Variants in NRCAM observed in about 807,000 individuals in gnomAD.
NRCAM encodes NgCAM-related cell adhesion molecule.
NRCAM carries 83 observed loss-of-function variants against 156.5 expected under a neutral mutation model. The observed-to-expected ratio is 0.53, with a 90% CI of 0.44 to 0.64. The LOEUF is 0.64. Ranked by LOEUF, NRCAM falls within the 30% of genes least tolerant of loss-of-function variation. NRCAM has a pLI of 0.00. For synonymous variants in NRCAM, 538 were observed against 563.9 expected (o/e 0.95, Z 0.65); for missense variants, 1,417 against 1,597.3 (o/e 0.89, Z 1.92).
chr7:108,291,317 A>G (rs930134433), intron 3 of NRCAM, among the ~76,000 whole-genome samples: 1 of 152,224 alleles, frequency 6.6e-6, no homozygotes, highest in African/African-American at 2.4e-5. Context: ...AATGGGAAAT[A>G]GAATTAGTTT....
In NRCAM at chr7:108,324,702, C is replaced by T. The variant is rs558122846; in HGVS notation, c.-173-11971G>A. On this transcript the variant is annotated intron_variant, in intron 2 of 32. Coordinates refer to ENST00000379028, the MANE Select transcript of NRCAM (RefSeq NM_001037132.4). ...AGAATGGGATGAGGCCAACAGCTTC[C>T]ACTTTCAATAACGTCTACAAATCTG... 2.0e-5 allele frequency among the ~76,000 whole-genome samples: 3 copies of T among 152,202 alleles called. No individual in the cohort carries two copies. In the South Asian group the frequency reaches 6.2e-4, roughly 32 times the overall value.
intron 1 of NRCAM, among the ~76,000 whole-genome samples, chr7:108,411,697 T>G (rs968657921): frequency 5.3e-5 from 8 of 151,844 alleles, no homozygotes; most frequent in Non-Finnish European, 1.2e-4. Flanking sequence ...GCCCGGCTAA[T>G]TTTTTTTGTA....
chr7:108,404,122 G>A (rs2099800826), intron 1 of NRCAM, among the ~76,000 whole-genome samples: 2 of 152,158 alleles, frequency 1.3e-5, no homozygotes, highest in Non-Finnish European at 2.9e-5. Context: ...TCTCCAGGCT[G>A]ACTCTGGGTA....
chr7:108,368,575 G>A (rs141891591), intron 2 of NRCAM, among the ~76,000 whole-genome samples: 1,719 of 152,172 alleles, frequency 0.011, 43 homozygotes, highest in African/African-American at 0.039. Flanking sequence ...TAAATGTGAC[G>A]AGACATATAT....
intron 2 of NRCAM, among the ~76,000 whole-genome samples, chr7:108,382,961 C>G (rs2099708259): frequency 6.6e-6 from 1 of 152,184 alleles, no homozygotes; most frequent in Admixed American, 6.5e-5. Context: ...CTAACTTTCC[C>G]TAAGCTTCAG....
intron 2 of NRCAM, among the ~76,000 whole-genome samples, chr7:108,326,555 T>C (rs1563277340): frequency 6.6e-6 from 1 of 152,148 alleles, no homozygotes; most frequent in South Asian, 2.1e-4. Context: ...TCAAGAGAAC[T>C]GGGCTAACAA....
At chr7:108,252,297 C>T (rs929863920) in intron 3 of NRCAM, among the ~76,000 whole-genome samples, 2 of 152,166 alleles carry the variant, frequency 1.3e-5, no homozygotes, top group African/African-American at 2.4e-5. Context: ...GTTGAACGCA[C>T]CTCACTGAGC....
chr7:108,201,372 C>G (rs1172287004), intron 13 of NRCAM, among the ~76,000 whole-genome samples: 1 of 151,918 alleles, frequency 6.6e-6, no homozygotes, highest in Non-Finnish European at 1.5e-5. Flanking sequence ...AGCTCTGGGC[C>G]GAATCTCTCT....
intron 3 of NRCAM, among the ~76,000 whole-genome samples, chr7:108,251,671 A>G (rs767215181): frequency 2.0e-5 from 3 of 152,228 alleles, no homozygotes; most frequent in African/African-American, 4.8e-5. Flanking sequence ...TACCAGCCAC[A>G]TGGTGCTGTC....
rs148439413 is a variant in NRCAM at position 108,370,951 on chromosome 7, C to T, written c.-174+28485G>A. On this transcript the variant is annotated intron_variant, in intron 2 of 32. Transcript: ENST00000379028. ...CAAAATTTGCTCATTTTTTAATGTT[C>T]TGATGTTATCCACCAGAACTGGATT... Among the ~76,000 whole-genome samples, 25 of 152,200 alleles carry T rather than the reference C, an allele frequency of 1.6e-4. 1 individual carries two copies. The East Asian group carries it at 4.6e-3, about 28-fold the overall frequency.
Position 108,289,987 on chromosome 7 carries a change from T to C in NRCAM, c.-107+22678A>G, listed in dbSNP as rs114411125. Among the ~76,000 whole-genome samples, 868 of 152,212 alleles carry C rather than the reference T, an allele frequency of 5.7e-3. 11 individuals carry two copies. Among genetic ancestry groups the C allele is most frequent in the African/African-American group, 0.02 (821 of 41,546 alleles). On this transcript the variant is annotated intron_variant, in intron 3 of 32. Transcript: ENST00000379028. The stretch of plus-strand genomic sequence containing the variant: ...TCCTTCTTTTCAAAAAAGAAGCCCA[T>C]GAAGAGAAAGAGATTCCCTACTTTT...
At chr7:108,427,712 A>G (rs1286902261) in intron 1 of NRCAM, among the ~76,000 whole-genome samples, 12 of 152,232 alleles carry the variant, frequency 7.9e-5, no homozygotes. Flanking sequence ...CAAAAGCAAG[A>G]GATAACCATT....
chr7:108,327,618 G>A (rs2099083089), intron 2 of NRCAM, among the ~76,000 whole-genome samples: 1 of 152,146 alleles, frequency 6.6e-6, no homozygotes, highest in South Asian at 2.1e-4. Context: ...TCAAAGAACT[G>A]AGAAGCATGG....
chr7:108,368,224 A>ACCCCCCCCCCCCCC (rs67897117), intron 2 of NRCAM, among the ~76,000 whole-genome samples: 307 of 90,986 alleles, frequency 3.4e-3, no homozygotes, highest in African/African-American at 4.5e-3. Context: ...ACACTTTCAT[A>ACCCCCCCCCCCCCC]CCCCCCCCCA....
chr7:108,327,623 G>T (rs1468199797), intron 2 of NRCAM, among the ~76,000 whole-genome samples: 2 of 152,286 alleles, frequency 1.3e-5, no homozygotes, highest in South Asian at 2.1e-4. Flanking sequence ...GAACTGAGAA[G>T]CATGGAGTAT....
At chr7:108,412,665 T>C (rs1255581083) in intron 1 of NRCAM, among the ~76,000 whole-genome samples, 1 of 152,162 alleles carries the variant, frequency 6.6e-6, no homozygotes, top group Admixed American at 6.6e-5. Context: ...TAACTTGTTT[T>C]GTATCCTTTG....
Position 108,284,683 on chromosome 7 carries a change from C to T in NRCAM, c.-107+27982G>A, listed in dbSNP as rs188911523. Among the ~76,000 whole-genome samples, 72 of 152,242 alleles carry T rather than the reference C, an allele frequency of 4.7e-4. No homozygotes were observed. The East Asian group carries it at 0.013, about 27-fold the overall frequency. On this transcript the variant is annotated intron_variant, in intron 3 of 32. Coordinates refer to ENST00000379028, the MANE Select transcript of NRCAM (RefSeq NM_001037132.4). Reference sequence around the variant, plus strand: ...TGAGACAGATGTTCTTCCTCTGTGCCCAACTCAAAGCTTATACGGAACCGC... The same window carrying T: ...TGAGACAGATGTTCTTCCTCTGTGCTCAACTCAAAGCTTATACGGAACCGC...
chr7:108,204,947 A>G (rs1345564716), intron 13 of NRCAM, among the ~76,000 whole-genome samples: 1 of 152,188 alleles, frequency 6.6e-6, no homozygotes, highest in African/African-American at 2.4e-5. Flanking sequence ...CCCCACAAAA[A>G]TGTAATTTAA....
chr7:108,320,237 G>T (rs766975729), intron 2 of NRCAM, among the ~76,000 whole-genome samples: 1 of 151,970 alleles, frequency 6.6e-6, no homozygotes, highest in Non-Finnish European at 1.5e-5. Context: ...GGATAGCTTG[G>T]GTCCAGGAGT....
Sources: allele counts gnomAD v4.1 joint callset (sites outside exome capture counted in the v4.1 genomes callset), GRCh38; gene constraint gnomAD v4.1.1; transcripts MANE v1.5; gene names NCBI Gene and HGNC (gene_info 2026-07-23, HGNC 2026-07-21).